The following ERG variants were observed in gnomAD, a reference collection of about 807,000 sequenced individuals.
ERG encodes the protein transcriptional regulator ERG.
A neutral mutation model predicts 55.3 loss-of-function variants in ERG; 9 were observed. The observed-to-expected ratio is 0.16, with a 90% CI of 0.10 to 0.28. The LOEUF is 0.28. ERG is among the 10% of genes least tolerant of loss of function. The pLI is 1.00. For missense variants in ERG, 434 were observed against 631.6 expected (o/e 0.69, Z 3.35); for synonymous variants, 223 against 237.3 (o/e 0.94, Z 0.55).
intron 1 of ERG, among the ~76,000 whole-genome samples, chr21:38,654,083 G>T (rs180938271): frequency 3.3e-5 from 5 of 152,308 alleles, no homozygotes; most frequent in African/African-American, 7.2e-5. Context: ...GGGACATTCT[G>T]TCTAATCACT....
intron 2 of ERG, among the ~76,000 whole-genome samples, chr21:38,528,433 C>CTTTTTT (rs869069278): frequency 0.073 from 1,711 of 23,500 alleles, 682 homozygotes; most frequent in Non-Finnish European, 0.08. Context: ...CCATAGCAAA[C>CTTTTTT]TTTTTTTTTT....
At chr21:38,582,952 T>C (rs540714454) in intron 1 of ERG, among the ~76,000 whole-genome samples, 113 of 152,328 alleles carry the variant, frequency 7.4e-4, no homozygotes, top group African/African-American at 2.6e-3. Flanking sequence ...TAATCCTCAA[T>C]AAATAAATTG....
At chr21:38,465,855 G>T (rs59516036) in intron 1 of ERG, among the ~76,000 whole-genome samples, 1,934 of 152,114 alleles carry the variant, frequency 0.013, 43 homozygotes, top group African/African-American at 0.044. Context: ...CATCCTCCTT[G>T]ATCCCATCCC....
At chr21:38,549,067 C>T (rs1252317268) in intron 2 of ERG, among the ~76,000 whole-genome samples, 4 of 151,774 alleles carry the variant, frequency 2.6e-5, no homozygotes, top group Admixed American at 6.6e-5. Flanking sequence ...GAGCCAAGAT[C>T]GCACCACCGC....
intron 1 of ERG, among the ~76,000 whole-genome samples, chr21:38,577,252 A>T (rs903203445): frequency 6.6e-6 from 1 of 152,062 alleles, no homozygotes; most frequent in Admixed American, 6.6e-5. Context: ...GTACAGGCAC[A>T]CCCATTCCAA....
chr21:38,547,613 A>C (rs1430694985), intron 2 of ERG, among the ~76,000 whole-genome samples: 1 of 152,212 alleles, frequency 6.6e-6, no homozygotes, highest in Admixed American at 6.5e-5. Flanking sequence ...TCCACTTCAA[A>C]GTTTGCTGAT....
chr21:38,609,554 T>C (rs2060214282), intron 1 of ERG, among the ~76,000 whole-genome samples: 1 of 152,204 alleles, frequency 6.6e-6, no homozygotes, highest in Non-Finnish European at 1.5e-5. Flanking sequence ...GTACGTGAAC[T>C]CAATCTACTT....
At chr21:38,477,188 G>GT (rs1189475564) in intron 1 of ERG, among the ~76,000 whole-genome samples, 1 of 151,622 alleles carries the variant, frequency 6.6e-6, no homozygotes, top group South Asian at 2.1e-4. Context: ...TAATTTTTCT[G>GT]TTTTTTGTAG....
At chr21:38,403,762 C>T (rs1569069857) in intron 3 of ERG, 53 bp from the exon 4 acceptor site, 59 of 1,556,168 alleles carry the variant, frequency 3.8e-5, no homozygotes, top group Non-Finnish European at 5.1e-5. Context: ...GGATCTTCAT[C>T]TTGGGGTAGA....
At position 38,380,417 on chromosome 21, in the gene ERG, C is replaced by A; in HGVS notation, c.*2986G>T. ...GGGCATCAAACTAGGAACAAAAACA[C>A]AGTCTTGACTGTGATTTGGTGATTT... is the stretch of plus-strand genomic sequence containing the variant. On this transcript the variant is annotated 3_prime_UTR_variant, in exon 10 of 10. Coordinates refer to ENST00000288319, the MANE Select transcript of ERG (RefSeq NM_182918.4). 4 of 1,063,194 alleles carry A rather than the reference C, an allele frequency of 3.8e-6. No individual in the cohort carries two copies. Among genetic ancestry groups the A allele is most frequent in the Non-Finnish European group, 4.6e-6 (4 of 877,968 alleles). 65.9% of individuals were successfully genotyped at this position (1,063,194 alleles called of 1,614,324 possible). A position where few individuals can be genotyped will look rare whatever the true frequency, so the allele number is the denominator to read the frequency against.
At chr21:38,483,799 G>A (rs1391278520) in intron 1 of ERG, among the ~76,000 whole-genome samples, 1 of 152,152 alleles carries the variant, frequency 6.6e-6, no homozygotes, top group African/African-American at 2.4e-5. Flanking sequence ...GGGAGAGGGT[G>A]GAGGTTGCAG....
At chr21:38,441,768 C>T (rs564684565) in intron 2 of ERG, among the ~76,000 whole-genome samples, 61 of 152,326 alleles carry the variant, frequency 4.0e-4, no homozygotes, top group South Asian at 1.4e-3. Context: ...TGCCTCAAAG[C>T]GGAGGCAGCC....
chr21:38,532,875 C>A (rs1453324916), intron 2 of ERG, among the ~76,000 whole-genome samples: 1 of 152,182 alleles, frequency 6.6e-6, no homozygotes, highest in African/African-American at 2.4e-5. Context: ...AAATTATGTC[C>A]ATTGACCCAA....
At chr21:38,447,291 C>A (rs1254394902) in intron 1 of ERG, among the ~76,000 whole-genome samples, 1 of 151,480 alleles carries the variant, frequency 6.6e-6, no homozygotes, top group Non-Finnish European at 1.5e-5. Context: ...AAAGCAAAAG[C>A]CCCCATCCTG....
intron 1 of ERG, among the ~76,000 whole-genome samples, chr21:38,479,774 C>T (rs1345675105): frequency 6.6e-6 from 1 of 152,160 alleles, no homozygotes; most frequent in African/African-American, 2.4e-5. Context: ...CCACTGTGGT[C>T]ATCAGTTTTG....
intron 1 of ERG, among the ~76,000 whole-genome samples, chr21:38,448,706 C>T (rs1022694398): frequency 6.6e-6 from 1 of 152,234 alleles, no homozygotes; most frequent in African/African-American, 2.4e-5. Flanking sequence ...CACAGCCCTG[C>T]CACATCTTTG....
intron 1 of ERG, among the ~76,000 whole-genome samples, chr21:38,610,380 C>G (rs1176567412): frequency 6.6e-6 from 1 of 152,236 alleles, no homozygotes. Context: ...TCTATGCAAA[C>G]GGCAACATTC....
intron 2 of ERG, among the ~76,000 whole-genome samples, chr21:38,444,179 C>T (rs1403449974): frequency 2.0e-5 from 3 of 152,136 alleles, no homozygotes; most frequent in Non-Finnish European, 4.4e-5. Context: ...AGCGTTAAAA[C>T]ATATATGTAA....
intron 3 of ERG, among the ~76,000 whole-genome samples, chr21:38,420,747 T>C (rs900714943): frequency 9.9e-5 from 15 of 152,168 alleles, no homozygotes; most frequent in Non-Finnish European, 1.6e-4. Flanking sequence ...TCAAAGCATA[T>C]TGATGGCCTC....
Sources: allele counts gnomAD v4.1 joint callset (sites outside exome capture counted in the v4.1 genomes callset), GRCh38; gene constraint gnomAD v4.1.1; transcripts MANE v1.5; gene names NCBI Gene and HGNC (gene_info 2026-07-23, HGNC 2026-07-21).